The following NUP153 variants were observed in gnomAD, a reference collection of about 807,000 sequenced individuals.
NUP153 encodes the protein nuclear pore complex protein Nup153.
Under a neutral mutation model 134.6 loss-of-function variants are expected in NUP153, and 27 were observed. That is an observed-to-expected ratio of 0.20 (90% confidence interval 0.15 to 0.28). The LOEUF (loss-of-function observed/expected upper bound fraction) is 0.28, where lower values mean the gene tolerates loss of function less well. Ranked by LOEUF, NUP153 falls within the 10% of genes least tolerant of loss-of-function variation. The pLI, the probability that NUP153 is intolerant of heterozygous loss-of-function variation, is 1.00. For synonymous variants in NUP153, 640 were observed against 623.5 expected (o/e 1.03, Z -0.40); for missense variants, 1,821 against 1,731.3 (o/e 1.05, Z -0.92).
At chr6:17,696,541 G>A (rs1199003319) in intron 1 of NUP153, among the ~76,000 whole-genome samples, 1 of 152,074 alleles carries the variant, frequency 6.6e-6, no homozygotes, top group Non-Finnish European at 1.5e-5. Flanking sequence ...GGATCACAAG[G>A]TCAGGAGATC....
chr6:17,641,986 C>T (rs1193806327), intron 14 of NUP153, among the ~76,000 whole-genome samples: 1 of 152,020 alleles, frequency 6.6e-6, no homozygotes, highest in Non-Finnish European at 1.5e-5. Context: ...ATACTAATAA[C>T]CAAGTTTTTC....
chr6:17,669,778 A>G (rs1365924180), intron 5 of NUP153, among the ~76,000 whole-genome samples: 1 of 152,154 alleles, frequency 6.6e-6, no homozygotes, highest in Non-Finnish European at 1.5e-5. Context: ...CAAAAGAATG[A>G]TAAGACAGCA....
chr6:17,646,765 G>A (rs1470395364), intron 13 of NUP153, among the ~76,000 whole-genome samples: 1 of 151,116 alleles, frequency 6.6e-6, no homozygotes, highest in African/African-American at 2.4e-5. Context: ...TTGAGGTGGA[G>A]TTTCACTCTT....
intron 1 of NUP153, among the ~76,000 whole-genome samples, chr6:17,697,594 G>C (rs1323708025): frequency 2.6e-5 from 4 of 152,042 alleles, no homozygotes. Flanking sequence ...GGCTGAGGGA[G>C]GGAGAATTGC....
intron 8 of NUP153, among the ~76,000 whole-genome samples, chr6:17,667,373 T>G (rs1478086585): frequency 6.6e-6 from 1 of 152,158 alleles, no homozygotes; most frequent in Non-Finnish European, 1.5e-5. Context: ...AAATTATAAT[T>G]TAAATAATTA....
Position 17,661,963 on chromosome 6 carries a change from A to G in NUP153, c.1268+55T>C. 2.2e-6 allele frequency: 3 copies of G among 1,358,634 alleles called. No individual in the cohort carries two copies. In the Admixed American group the frequency reaches 5.6e-5, roughly 26 times the overall value. The allele number at this position is 1,358,634 out of a possible 1,614,324, so 84.2% of individuals were successfully genotyped here. A position where few individuals can be genotyped will look rare whatever the true frequency, so the allele number is the denominator to read the frequency against. The stretch of plus-strand genomic sequence containing the variant: ...TCAAAAAGGTACATGTAAATTAAAT[A>G]CAGACCTTACAAGTTAAATATAAAG... On this transcript the variant is annotated intron_variant, in intron 10 of 21. Coordinates refer to ENST00000262077, the MANE Select transcript of NUP153 (RefSeq NM_005124.4).
chr6:17,664,309 T>C (rs1767382904), intron 9 of NUP153, among the ~76,000 whole-genome samples: 1 of 152,146 alleles, frequency 6.6e-6, no homozygotes, highest in South Asian at 2.1e-4. Context: ...ACCACTTTAT[T>C]TATAAAGTGT....
At chr6:17,699,652 A>C (rs922721217) in intron 1 of NUP153, among the ~76,000 whole-genome samples, 4 of 152,136 alleles carry the variant, frequency 2.6e-5, no homozygotes, top group African/African-American at 9.7e-5. Context: ...CCACACCAAC[A>C]TGGTGAAACC....
chr6:17,705,840 C>T (rs1457687572), intron 1 of NUP153, among the ~76,000 whole-genome samples: 3 of 152,032 alleles, frequency 2.0e-5, no homozygotes, highest in Non-Finnish European at 1.5e-5. Flanking sequence ...AGGGGCAGCC[C>T]CCCCTCCTCA....
Position 17,675,114 on chromosome 6 carries a change from A to G in NUP153, c.724-81T>C, listed in dbSNP as rs138384275. ...TGCAGTGAGTTAAGATCATGCTGCT[A>G]CACACTCAAGCCTGGGCAACAGCAA... On this transcript the variant is annotated intron_variant, in intron 4 of 21. Coordinates refer to ENST00000262077, the MANE Select transcript of NUP153 (RefSeq NM_005124.4). The surrounding 1 kb of genome is among the most constrained non-coding windows in gnomAD (Gnocchi z 4.4). 16 of 1,561,124 alleles carry G rather than the reference A, an allele frequency of 1.0e-5. No individual in the cohort carries two copies. In the East Asian group the frequency reaches 3.4e-4, roughly 33 times the overall value.
chr6:17,633,163 T>A (rs1470677645), intron 16 of NUP153, among the ~76,000 whole-genome samples: 2 of 152,210 alleles, frequency 1.3e-5, no homozygotes, highest in Non-Finnish European at 2.9e-5. Flanking sequence ...AAAATCATGC[T>A]CGCAAATTAG....
chr6:17,629,628 A>T (rs892547507), intron 17 of NUP153, 89 bp from the exon 18 acceptor site: 165 of 1,233,334 alleles, frequency 1.3e-4, no homozygotes, highest in Non-Finnish European at 1.7e-4. Context: ...AAAGAAACAT[A>T]GGAGTAACTT....
At chr6:17,652,301 A>T (rs1766544778) in intron 11 of NUP153, among the ~76,000 whole-genome samples, 1 of 152,202 alleles carries the variant, frequency 6.6e-6, no homozygotes, top group Admixed American at 6.5e-5. Flanking sequence ...ACAAGTCTCA[A>T]TACATTTCAA....
chr6:17,628,726 G>T lies in NUP153; in HGVS notation c.3473C>A (p.Pro1158Gln), dbSNP rs745957708. ...TGGCTGTTCAGATTCCTTCTCAGAT[G>T]GTTTTGTCATACTAAAACTAAATGT... is the stretch of plus-strand genomic sequence containing the variant. ...KSTFSFSMTKPSEKESEQPAK... is the reference protein window; with the variant it reads ...KSTFSFSMTKQSEKESEQPAK... Residue 1158 changes from proline (P) to glutamine (Q), a missense_variant, in exon 18 of 22, where the codon CCA (proline) becomes CAA (glutamine). Pro to Gln is a moderately conservative substitution (Grantham distance 76). Coordinates refer to ENST00000262077, the MANE Select transcript of NUP153 (RefSeq NM_005124.4). The surrounding 1 kb of genome is among the most constrained non-coding windows in gnomAD (Gnocchi z 5.4). 1 of 1,613,798 alleles carries T rather than the reference G, an allele frequency of 6.2e-7. No individual in the cohort carries two copies. The highest frequency in any genetic ancestry group is 1.3e-5 in the African/African-American group (1 of 74,884).
rs1488822246 is a variant in NUP153 at position 17,706,091 on chromosome 6, G to A, written c.111+186C>T. Among the ~76,000 whole-genome samples, 3 of 152,198 alleles carry A rather than the reference G, an allele frequency of 2.0e-5. No homozygotes were observed. Among genetic ancestry groups the A allele is most frequent in the South Asian group, 2.1e-4 (1 of 4,838 alleles). On this transcript the variant is annotated intron_variant, in intron 1 of 21. Coordinates refer to ENST00000262077, the MANE Select transcript of NUP153 (RefSeq NM_005124.4). The surrounding 1 kb of genome is among the most constrained non-coding windows in gnomAD (Gnocchi z 5.9). ...CCAAACCACACGTGTGCGCCGCAAG[G>A]CTGGGCCTGTCTCAGCCCACTTCCC...
At chr6:17,686,759 C>T (rs887079358) in intron 2 of NUP153, among the ~76,000 whole-genome samples, 2 of 151,684 alleles carry the variant, frequency 1.3e-5, no homozygotes, top group Admixed American at 6.6e-5. Flanking sequence ...ATGCTGCCCA[C>T]AACTTGCTTC....
chr6:17,646,396 T>C (rs561271179), intron 13 of NUP153, among the ~76,000 whole-genome samples: 8 of 152,106 alleles, frequency 5.3e-5, no homozygotes, highest in East Asian at 3.9e-4. Context: ...TTAGTAGAGA[T>C]GGGGTTTCAC....
chr6:17,618,582 TA>T (rs1243290450), intron 20 of NUP153, among the ~76,000 whole-genome samples: 1 of 98,588 alleles, frequency 1.0e-5, no homozygotes. Context: ...TTTTTTTTTT[TA>T]AAGATGGAGT....
chr6:17,622,859 G>T (rs1333463661), intron 20 of NUP153, among the ~76,000 whole-genome samples: 1 of 151,980 alleles, frequency 6.6e-6, no homozygotes, highest in African/African-American at 2.4e-5. Flanking sequence ...GGCTGGGCGT[G>T]GTGGCTCACA....
Sources: allele counts gnomAD v4.1 joint callset (sites outside exome capture counted in the v4.1 genomes callset), GRCh38; gene constraint gnomAD v4.1.1; non-coding constraint Gnocchi (gnomAD v3.1); transcripts MANE v1.5; gene names NCBI Gene and HGNC (gene_info 2026-07-23, HGNC 2026-07-21).